The following CLPTM1 variants were observed in gnomAD, a reference collection of about 807,000 sequenced individuals.
The protein encoded by CLPTM1 is putative lipid scramblase CLPTM1.
In CLPTM1, 21 loss-of-function variants were observed where a neutral mutation model predicts 77.3. That is an observed-to-expected ratio of 0.27 (90% CI 0.19 to 0.39). The LOEUF (loss-of-function observed/expected upper bound fraction) is 0.39. Among genes scored for constraint, CLPTM1 ranks in the 10% least tolerant of loss-of-function variants. The pLI, the probability that CLPTM1 is intolerant of heterozygous loss-of-function variation, is 1.00. For synonymous variants in CLPTM1, 373 were observed against 381.0 expected, an observed-to-expected ratio of 0.98 and a Z score of 0.24; for missense variants, 642 against 921.2, an observed-to-expected ratio of 0.70 and a Z score of 3.92.
chr19:44,987,190 G>A lies in CLPTM1; in HGVS notation c.805G>A (p.Asp269Asn). The A allele has an allele frequency of 6.2e-7, 1 of 1,609,320 alleles. No homozygotes were observed. The highest frequency in any genetic ancestry group is 8.5e-7 in the Non-Finnish European group (1 of 1,176,090). ...CCCACGTGCTGCAGATGTGAAGTTC[G>A]ACGCCGTGAGCGGTGACTACTATCC... is the stretch of plus-strand genomic sequence containing the variant. Reference protein sequence around the residue: ...PPPLDQYVKFDAVSGDYYPII... With the variant: ...PPPLDQYVKFNAVSGDYYPII... Residue 269 changes from aspartate (D) to asparagine (N), a missense_variant, in exon 8 of 14, where the codon GAC becomes AAC. By Grantham distance (23) the Asp-to-Asn change is conservative. Transcript: ENST00000337392.
At chr19:44,978,715 G>A (rs1451894237) in intron 5 of CLPTM1, among the ~76,000 whole-genome samples, 1 of 152,192 alleles carries the variant, frequency 6.6e-6, no homozygotes, top group Non-Finnish European at 1.5e-5. Flanking sequence ...ACTAATCCAT[G>A]AATGGGTTAA....
intron 5 of CLPTM1, among the ~76,000 whole-genome samples, chr19:44,980,966 T>C (rs1019413002): frequency 6.6e-6 from 1 of 151,090 alleles, no homozygotes; most frequent in Non-Finnish European, 1.5e-5. Context: ...GCCTCCTGAG[T>C]AGCTGGGACT....
intron 2 of CLPTM1, among the ~76,000 whole-genome samples, chr19:44,964,799 T>C (rs1970601969): frequency 6.6e-6 from 1 of 152,222 alleles, no homozygotes; most frequent in African/African-American, 2.4e-5. Context: ...CCTGTCTCTC[T>C]TTCACTACTC....
intron 1 of CLPTM1, among the ~76,000 whole-genome samples, chr19:44,956,075 C>T (rs1033710086): frequency 2.0e-5 from 3 of 152,164 alleles, no homozygotes; most frequent in Admixed American, 6.5e-5. Context: ...GTTAATTAGT[C>T]CTGGTGCGGA....
intron 2 of CLPTM1, among the ~76,000 whole-genome samples, chr19:44,964,529 TCTAACTC>T (rs1204720738): frequency 7.3e-6 from 1 of 136,740 alleles, no homozygotes; most frequent in East Asian, 2.6e-4. Context: ...CAGGCTGGTC[TCTAACTC>T]CTGACCTCAG....
At chr19:44,985,813 TG>T in intron 6 of CLPTM1, among the ~76,000 whole-genome samples, 1 of 152,040 alleles carries the variant, frequency 6.6e-6, no homozygotes, top group East Asian at 1.9e-4. Context: ...GGTCCTGTGT[TG>T]GGGGGGTGGT....
intron 7 of CLPTM1, 138 bp downstream of exon 7, chr19:44,986,713 A>G: frequency 2.6e-6 from 3 of 1,154,334 alleles, no homozygotes; most frequent in Non-Finnish European, 3.6e-6. Context: ...ACCCTGTCCT[A>G]TCCCCTTCCC....
chr19:44,986,821 A>C, intron 7 of CLPTM1: 1 of 545,082 alleles, frequency 1.8e-6, no homozygotes, highest in Non-Finnish European at 3.2e-6. Context: ...CCAGCCCACA[A>C]ACTGTTTTCA....
At chr19:44,980,728 G>A (rs1405858036) in intron 5 of CLPTM1, among the ~76,000 whole-genome samples, 5 of 151,832 alleles carry the variant, frequency 3.3e-5, no homozygotes, top group African/African-American at 1.2e-4. Flanking sequence ...CAAAGTCAGA[G>A]GATCGCTTGA....
intron 5 of CLPTM1, 144 bp downstream of exon 5, chr19:44,977,604 G>T (rs1312074201): frequency 2.9e-6 from 2 of 691,624 alleles, no homozygotes; most frequent in Non-Finnish European, 2.5e-6. Flanking sequence ...GGCAGGGCAG[G>T]CTCAAGCCCC....
At position 44,990,871 on chromosome 19, in the gene CLPTM1, G is replaced by C. The variant is rs779401160; in HGVS notation, c.1345G>C (p.Ala449Pro). 3 of 1,613,908 alleles carry C rather than the reference G, an allele frequency of 1.9e-6. No homozygotes were observed. The highest frequency in any genetic ancestry group is 4.5e-5 in the East Asian group (2 of 44,886). Reference sequence around the variant, plus strand: ...ACAGCTGGACCGAGAGCACAGGGTGGCAGGAATCTTCCCCCGCCTATCCTT... The same window carrying C: ...ACAGCTGGACCGAGAGCACAGGGTGCCAGGAATCTTCCCCCGCCTATCCTT... ...DVRLDREHRV[A>P]GIFPRLSFKD... is the part of the protein sequence containing the mutation. Residue 449 changes from alanine (A) to proline (P), a missense_variant, in exon 11 of 14, where the codon GCA becomes CCA. Coordinates refer to ENST00000337392, the MANE Select transcript of CLPTM1 (RefSeq NM_001294.4). The surrounding 1 kb of genome is among the most constrained non-coding windows in gnomAD (Gnocchi z 4.8).
At chr19:44,988,520 C>G (rs973850710) in intron 9 of CLPTM1, among the ~76,000 whole-genome samples, 1 of 152,176 alleles carries the variant, frequency 6.6e-6, no homozygotes, top group Non-Finnish European at 1.5e-5. Context: ...TGCGGGAGGC[C>G]GCTTAGGGCT....
intron 4 of CLPTM1, among the ~76,000 whole-genome samples, chr19:44,975,680 C>T (rs1692023277): frequency 6.6e-6 from 1 of 152,106 alleles, no homozygotes; most frequent in African/African-American, 2.4e-5. Context: ...TCTCATGTGC[C>T]AGCCTCCTGA....
At position 44,992,445 on chromosome 19, in the gene CLPTM1, CTGAGGCAG is replaced by C. The variant is rs1322528468; in HGVS notation, c.1723+47_1723+54del. ...TGGGAGCTCCCACCGGAACAGGGCC[CTGAGGCAG>C]TCTTTAGGGCCCAGGCCTGAGGGGG... On this transcript the variant is annotated intron_variant, in intron 13 of 13. Coordinates refer to ENST00000337392, the MANE Select transcript of CLPTM1 (RefSeq NM_001294.4). This position sits in a 1 kb window ranked among gnomAD's most constrained non-coding sequence, Gnocchi z 7.7. 8.1e-6 allele frequency: 13 copies of C among 1,611,652 alleles called. No individual in the cohort carries two copies. Among genetic ancestry groups the C allele is most frequent in the Non-Finnish European group, 1.1e-5 (13 of 1,178,322 alleles).
chr19:44,958,502 G>A (rs532008162), intron 1 of CLPTM1, among the ~76,000 whole-genome samples: 1 of 151,982 alleles, frequency 6.6e-6, no homozygotes, highest in South Asian at 2.1e-4. Flanking sequence ...CTCTCAAGTA[G>A]CTGGGATTAC....
chr19:44,987,552 C>G (rs1458907694), intron 8 of CLPTM1, 129 bp downstream of exon 8: 2 of 1,273,706 alleles, frequency 1.6e-6, no homozygotes, highest in South Asian at 2.8e-5. Context: ...TTCACAACCT[C>G]CCAGGTCCCT....
At chr19:44,955,509 C>T (rs1041594309) in intron 1 of CLPTM1, 42 bp downstream of exon 1, 12 of 1,228,348 alleles carry the variant, frequency 9.8e-6, no homozygotes, top group South Asian at 6.9e-5. Flanking sequence ...CTTCCCCAGC[C>T]GGGGGGCCTC....
rs556696012 is a variant in CLPTM1, at chr19:44,986,441, C to G, written c.673-14C>G. ...CCACCTGCCTCTGAGGTCCTTCCCC[C>G]CATGTTGCCTCAGAGGGCTGAGGAC... On this transcript the variant is annotated splice_polypyrimidine_tract_variant and intron_variant, in intron 6 of 13. Coordinates refer to ENST00000337392, the MANE Select transcript of CLPTM1 (RefSeq NM_001294.4). 49 of 1,613,264 alleles carry G rather than the reference C, an allele frequency of 3.0e-5. No individual in the cohort carries two copies. The highest frequency in any genetic ancestry group is 2.2e-4 in the East Asian group (10 of 44,878).
chr19:44,983,421 C>A (rs911749597), intron 5 of CLPTM1, among the ~76,000 whole-genome samples: 38 of 151,660 alleles, frequency 2.5e-4, no homozygotes, highest in Non-Finnish European at 3.8e-4. Context: ...GAGATTGAGA[C>A]CAGCCTGGGC....
Sources: gnomAD v4.1 joint callset for allele counts (sites outside exome capture counted in the v4.1 genomes callset) on GRCh38, gnomAD v4.1.1 for gene constraint, Gnocchi (gnomAD v3.1) non-coding constraint, MANE v1.5 for transcripts, NCBI Gene and HGNC (gene_info 2026-07-23, HGNC 2026-07-21) for gene names.